AK8: variants seen among roughly 807,000 people sequenced by gnomAD.
AK8 encodes adenylate kinase 8.
AK8 carries 44 observed loss-of-function variants against 54.6 expected under a neutral mutation model. That is an observed-to-expected ratio of 0.81 (90% confidence interval 0.63 to 1.04). The LOEUF is 1.04. Ranked by LOEUF, AK8 falls within the 50% of genes least tolerant of loss-of-function variation. AK8 has a pLI of 0.00. For missense variants in AK8, 555 were observed against 613.6 expected (o/e 0.90, Z 1.01); for synonymous variants, 239 against 245.6 (o/e 0.97, Z 0.25).
intron 11 of AK8, among the ~76,000 whole-genome samples, chr9:132,754,171 G>A (rs887914604): frequency 6.6e-6 from 1 of 152,178 alleles, no homozygotes; most frequent in Admixed American, 6.5e-5. Context: ...ACCAGGAGAC[G>A]GCACAACACG....
In AK8 at chr9:132,750,377, T is replaced by C. The variant is rs766818862; in HGVS notation, c.1122-22843A>G. Among the ~76,000 whole-genome samples, 9 of 151,870 alleles carry C rather than the reference T, an allele frequency of 5.9e-5. 1 individual carries two copies. The highest frequency in any genetic ancestry group is 1.3e-4 in the Non-Finnish European group (9 of 67,880). ...CAAGTGAGCCACCCGCCTTGGCCTCTCAAACTGCTGGGATTACAGGTGTGA... is the reference window on the plus strand; with the variant it reads ...CAAGTGAGCCACCCGCCTTGGCCTCCCAAACTGCTGGGATTACAGGTGTGA... On this transcript the variant is annotated intron_variant, in intron 11 of 12. Coordinates refer to ENST00000298545, the MANE Select transcript of AK8 (RefSeq NM_152572.3).
chr9:132,752,297 T>A (rs1837968790), intron 11 of AK8, among the ~76,000 whole-genome samples: 1 of 151,162 alleles, frequency 6.6e-6, no homozygotes, highest in African/African-American at 2.4e-5. Context: ...TCGCCCAGGC[T>A]GGAGTGCAGT....
chr9:132,744,039 C>T (rs752818556), intron 11 of AK8, among the ~76,000 whole-genome samples: 4 of 152,168 alleles, frequency 2.6e-5, no homozygotes, highest in South Asian at 2.1e-4. Context: ...GCGGGAGGGA[C>T]GGGGGTTGAC....
At chr9:132,867,189 A>C (rs1188772598) in intron 2 of AK8, among the ~76,000 whole-genome samples, 1 of 152,182 alleles carries the variant, frequency 6.6e-6, no homozygotes, top group Non-Finnish European at 1.5e-5. Context: ...GGACAGAGAC[A>C]CGGTAACTTG....
intron 3 of AK8, among the ~76,000 whole-genome samples, chr9:132,866,514 C>G (rs994774598): frequency 6.6e-6 from 1 of 152,122 alleles, no homozygotes; most frequent in Admixed American, 6.5e-5. Context: ...AATTAAAATG[C>G]TCAGAGTAAA....
chr9:132,860,303 C>T lies in AK8; in HGVS notation c.333+3362G>A, dbSNP rs1218309923. 2.0e-5 allele frequency among the ~76,000 whole-genome samples: 3 copies of T among 152,158 alleles called. No individual in the cohort carries two copies. The highest frequency in any genetic ancestry group is 4.1e-4 in the South Asian group (2 of 4,822). On this transcript the variant is annotated intron_variant, in intron 4 of 12. Transcript: ENST00000298545. This position sits in a 1 kb window ranked among gnomAD's most constrained non-coding sequence, Gnocchi z 4.4. ...TGGCCTGGTGGAATCCTCAGTGACACTTCTAGGTGTGATAATGTGTCTCTA... is the reference window on the plus strand; with the variant it reads ...TGGCCTGGTGGAATCCTCAGTGACATTTCTAGGTGTGATAATGTGTCTCTA...
At chr9:132,863,801 G>A (rs1448242412) in intron 3 of AK8, 23 bp from the exon 4 acceptor site, 1 of 1,551,708 alleles carries the variant, frequency 6.4e-7, no homozygotes, top group South Asian at 1.1e-5. Context: ...AAGAAGAAAA[G>A]GGCATTTTCA....
intron 9 of AK8, among the ~76,000 whole-genome samples, chr9:132,817,963 T>C (rs1041781194): frequency 3.3e-5 from 5 of 152,178 alleles, no homozygotes; most frequent in Admixed American, 6.5e-5. Flanking sequence ...TAACAGCAGC[T>C]GAGGGCAGGG....
chr9:132,766,813 A>G (rs1238972233), intron 11 of AK8, among the ~76,000 whole-genome samples: 6 of 152,220 alleles, frequency 3.9e-5, no homozygotes, highest in African/African-American at 1.4e-4. Flanking sequence ...ATAGAAATCC[A>G]TAAATAAGTC....
At chr9:132,729,458 A>T (rs2130933654) in intron 11 of AK8, among the ~76,000 whole-genome samples, 1 of 152,354 alleles carries the variant, frequency 6.6e-6, no homozygotes, top group East Asian at 1.9e-4. Flanking sequence ...GCTGGGGATG[A>T]GCCAAGACCT....
intron 11 of AK8, among the ~76,000 whole-genome samples, chr9:132,759,489 G>T (rs1247234782): frequency 6.6e-6 from 1 of 151,940 alleles, no homozygotes. Flanking sequence ...ACGCTCTTTG[G>T]GTCTTATTTT....
At chr9:132,820,053 G>C (rs1301939742) in intron 9 of AK8, among the ~76,000 whole-genome samples, 1 of 151,260 alleles carries the variant, frequency 6.6e-6, no homozygotes, top group African/African-American at 2.4e-5. Context: ...TACTTGGGAG[G>C]CTGAGGCGGG....
At chr9:132,830,975 G>T (rs868515453) in intron 5 of AK8, among the ~76,000 whole-genome samples, 1 of 152,130 alleles carries the variant, frequency 6.6e-6, no homozygotes, top group African/African-American at 2.4e-5. Context: ...ATAGGGCTGT[G>T]ATCTACTCTG....
At chr9:132,804,065 CA>C (rs1840597261) in intron 10 of AK8, among the ~76,000 whole-genome samples, 1 of 146,690 alleles carries the variant, frequency 6.8e-6, no homozygotes, top group South Asian at 2.2e-4. Flanking sequence ...GAGATCGCGC[CA>C]CTGCGATCCA....
rs892891246 is a variant in AK8, at chr9:132,837,053, G to T, written c.403-8327C>A. ...ATGGGAGAACGGGCCAGGCGTGGTG[G>T]TTCACGCCTATAATCCCAGCACTTT... is the stretch of plus-strand genomic sequence containing the variant. On this transcript the variant is annotated intron_variant, in intron 5 of 12. Coordinates refer to ENST00000298545, the MANE Select transcript of AK8 (RefSeq NM_152572.3). The surrounding 1 kb of genome is among the most constrained non-coding windows in gnomAD (Gnocchi z 4.3). Among the ~76,000 whole-genome samples the T allele has an allele frequency of 6.6e-6, 1 of 152,158 alleles. No individual in the cohort carries two copies. Among genetic ancestry groups the T allele is most frequent in the African/African-American group, 2.4e-5 (1 of 41,432 alleles).
intron 9 of AK8, among the ~76,000 whole-genome samples, chr9:132,816,698 C>T (rs1841342720): frequency 6.6e-6 from 1 of 152,160 alleles, no homozygotes; most frequent in Non-Finnish European, 1.5e-5. Context: ...TCTTTAGAGT[C>T]ATTGGACAAC....
At chr9:132,780,140 G>T (rs1040887985) in intron 11 of AK8, among the ~76,000 whole-genome samples, 1 of 152,128 alleles carries the variant, frequency 6.6e-6, no homozygotes, top group Non-Finnish European at 1.5e-5. Flanking sequence ...AAGTGGGAGG[G>T]GCTGTTTCAC....
chr9:132,786,043 A>G (rs1264258624), intron 11 of AK8, among the ~76,000 whole-genome samples: 1 of 152,200 alleles, frequency 6.6e-6, no homozygotes, highest in Non-Finnish European at 1.5e-5. Flanking sequence ...CGATGCTGGA[A>G]AGCAGACTTG....
chr9:132,765,291 TCAAAA>T (rs1838675187), intron 11 of AK8, among the ~76,000 whole-genome samples: 1 of 13,880 alleles, frequency 7.2e-5, no homozygotes, highest in African/African-American at 2.2e-4. Context: ...AGACTCCATT[TCAAAA>T]AAAAAAAAAA....
Sources: allele counts gnomAD v4.1 joint callset (sites outside exome capture counted in the v4.1 genomes callset), GRCh38; gene constraint gnomAD v4.1.1; non-coding constraint Gnocchi (gnomAD v3.1); transcripts MANE v1.5; gene names NCBI Gene and HGNC (gene_info 2026-07-23, HGNC 2026-07-21).